RUFY3: variants seen among roughly 807,000 people sequenced by gnomAD.
The protein encoded by RUFY3 is RUN and FYVE domain containing 3.
In RUFY3, 34 loss-of-function variants were observed where a neutral mutation model predicts 84.0. The observed-to-expected ratio is 0.40, with a 90% confidence interval of 0.31 to 0.54. The LOEUF (loss-of-function observed/expected upper bound fraction) is 0.54. RUFY3 is among the 20% of genes least tolerant of loss of function. The probability of loss-of-function intolerance (pLI) is 0.39; values close to 1 mark genes in which losing one functional copy is unlikely to be tolerated. For missense variants in RUFY3, 507 were observed against 736.8 expected, an observed-to-expected ratio of 0.69 and a Z score of 3.61; for synonymous variants, 242 against 252.9, an observed-to-expected ratio of 0.96 and a Z score of 0.41.
At chr4:70,720,756 A>G (rs1400956248), upstream of RUFY3, among the ~76,000 whole-genome samples, 1 of 152,068 alleles carries the variant, frequency 6.6e-6, no homozygotes, top group Non-Finnish European at 1.5e-5. Flanking sequence ...ACAAACAAAC[A>G]CTTTCTTTCA....
chr4:70,803,580 A>T (rs1185016332), intron 16 of RUFY3, among the ~76,000 whole-genome samples: 1 of 152,004 alleles, frequency 6.6e-6, no homozygotes, highest in Non-Finnish European at 1.5e-5. Flanking sequence ...CTGCCTCCCG[A>T]GTAGCTAGGG....
intron 1 of RUFY3, among the ~76,000 whole-genome samples, chr4:70,716,044 G>T (rs1008143228): frequency 6.6e-6 from 1 of 152,024 alleles, no homozygotes; most frequent in Admixed American, 6.5e-5. Flanking sequence ...AACCCGGCAG[G>T]TGGAGGTTGC....
chr4:70,793,401 A>G (rs1222767963), intron 12 of RUFY3: 2 of 1,061,668 alleles, frequency 1.9e-6, no homozygotes, highest in African/African-American at 3.5e-5. Context: ...ATTAAGTACC[A>G]AACCTATTAG....
intron 1 of RUFY3, among the ~76,000 whole-genome samples, chr4:70,747,075 C>T (rs1560486950): frequency 6.6e-6 from 1 of 152,104 alleles, no homozygotes; most frequent in African/African-American, 2.4e-5. Flanking sequence ...TGGTATCTCT[C>T]GATATTATTT....
exon 1 of RUFY3, chr4:70,705,257 G>C: frequency 6.9e-7 from 1 of 1,445,106 alleles, no homozygotes; most frequent in East Asian, 3.1e-5. Context: ...TGAGCTACCC[G>C]AGCGGCGGCG....
chr4:70,794,722 G>A, intron 13 of RUFY3, 73 bp from the exon 14 acceptor site: 1 of 936,656 alleles, frequency 1.1e-6, no homozygotes, highest in Non-Finnish European at 1.7e-6. Context: ...AAGACAAGGG[G>A]TTGGCATTCT....
chr4:70,752,647 T>G (rs1723316838), intron 1 of RUFY3, among the ~76,000 whole-genome samples: 1 of 152,226 alleles, frequency 6.6e-6, no homozygotes, highest in Non-Finnish European at 1.5e-5. Flanking sequence ...GTCAAGTACT[T>G]TGTCTGCTTC....
Position 70,772,527 on chromosome 4 carries a change from A to G in RUFY3, c.697-984A>G, listed in dbSNP as rs189551030. On this transcript the variant is annotated intron_variant, in intron 5 of 17. Transcript: ENST00000381006. Reference sequence around the variant, plus strand: ...GGGCCTAGTACACATTAATTGCCCAATAAATAATGTTTTCACTTTAATTAC... The same window carrying G: ...GGGCCTAGTACACATTAATTGCCCAGTAAATAATGTTTTCACTTTAATTAC... Among the ~76,000 whole-genome samples, 606 of 152,338 alleles carry G rather than the reference A, an allele frequency of 4.0e-3. 3 individuals carry two copies. Among genetic ancestry groups the G allele is most frequent in the Non-Finnish European group, 6.8e-3 (462 of 68,036 alleles).
upstream of RUFY3, chr4:70,721,751 T>C (rs751119313): frequency 2.3e-5 from 13 of 570,104 alleles, no homozygotes; most frequent in Non-Finnish European, 2.9e-5. Context: ...TTTTATTCAG[T>C]CCTTGATCCC....
At chr4:70,772,669 A>G (rs1366358655) in intron 5 of RUFY3, among the ~76,000 whole-genome samples, 1 of 149,256 alleles carries the variant, frequency 6.7e-6, no homozygotes. Context: ...TTTTATTTTT[A>G]TTTTTTTTGA....
chr4:70,731,005 A>T (rs1719169512), intron 1 of RUFY3, among the ~76,000 whole-genome samples: 1 of 151,930 alleles, frequency 6.6e-6, no homozygotes, highest in Admixed American at 6.5e-5. Context: ...TAAGGCCAAA[A>T]GCATCCCAGC....
At chr4:70,798,822 A>G (rs1339164909) in intron 14 of RUFY3, among the ~76,000 whole-genome samples, 1 of 151,376 alleles carries the variant, frequency 6.6e-6, no homozygotes. Flanking sequence ...AAACAAACAA[A>G]ATTTGCCCAG....
At chr4:70,712,676 A>G (rs989091969) in intron 1 of RUFY3, among the ~76,000 whole-genome samples, 19 of 152,342 alleles carry the variant, frequency 1.2e-4, no homozygotes, top group South Asian at 8.3e-4. Context: ...ATGTATGATG[A>G]TGGAAGTGTA....
At chr4:70,723,280 GATT>G (rs969555114) in intron 1 of RUFY3, among the ~76,000 whole-genome samples, 1 of 152,048 alleles carries the variant, frequency 6.6e-6, no homozygotes, top group Non-Finnish European at 1.5e-5. Context: ...TAACAATATG[GATT>G]ATTAGGTTAG....
intron 1 of RUFY3, among the ~76,000 whole-genome samples, chr4:70,710,990 A>G (rs1006242909): frequency 1.4e-5 from 2 of 145,036 alleles, no homozygotes; most frequent in African/African-American, 2.6e-5. Context: ...GCTTGAACCC[A>G]GGAGGCAGAG....
intron 9 of RUFY3, 84 bp downstream of exon 9, chr4:70,783,267 TA>T: frequency 1.2e-6 from 1 of 825,884 alleles, no homozygotes; most frequent in South Asian, 1.5e-5. Flanking sequence ...AGGACTATTT[TA>T]AGCAGCTGGC....
At chr4:70,709,275 T>C (rs918063479) in intron 1 of RUFY3, among the ~76,000 whole-genome samples, 2 of 152,230 alleles carry the variant, frequency 1.3e-5, no homozygotes, top group East Asian at 3.8e-4. Context: ...TAACTTTAAA[T>C]CTCATAAAAC....
At chr4:70,713,595 A>G (rs1253738904) in intron 1 of RUFY3, among the ~76,000 whole-genome samples, 1 of 152,140 alleles carries the variant, frequency 6.6e-6, no homozygotes, top group Non-Finnish European at 1.5e-5. Flanking sequence ...TGGGAACCTT[A>G]TGATGTGTAG....
chr4:70,764,639 C>A, intron 4 of RUFY3, 63 bp downstream of exon 4: 1 of 942,458 alleles, frequency 1.1e-6, no homozygotes, highest in Non-Finnish European at 1.6e-6. Context: ...TAAAGTCAAA[C>A]CATATAAGTT....
Sources: gnomAD v4.1 joint callset for allele counts (sites outside exome capture counted in the v4.1 genomes callset) on GRCh38, gnomAD v4.1.1 for gene constraint, MANE v1.5 for transcripts, NCBI Gene and HGNC (gene_info 2026-07-23, HGNC 2026-07-21) for gene names.